Variants in RNF2 observed in about 807,000 individuals in gnomAD.
The protein encoded by RNF2 is E3 ubiquitin-protein ligase RING2.
In RNF2, 6 loss-of-function variants were observed where a neutral mutation model predicts 37.2. The observed-to-expected ratio is 0.16, with a 90% CI of 0.09 to 0.32. The LOEUF (loss-of-function observed/expected upper bound fraction) is 0.32. Ranked by LOEUF, RNF2 falls within the 10% of genes least tolerant of loss-of-function variation. RNF2 has a pLI of 1.00. For missense variants in RNF2, 251 were observed against 404.0 expected, an observed-to-expected ratio of 0.62 and a Z score of 3.25; for synonymous variants, 133 against 132.7, an observed-to-expected ratio of 1.00 and a Z score of -0.02.
intron 1 of RNF2, among the ~76,000 whole-genome samples, chr1:185,060,964 A>T (rs1167116210): frequency 6.6e-6 from 1 of 152,094 alleles, no homozygotes; most frequent in Non-Finnish European, 1.5e-5. Context: ...ATGAAAAGTT[A>T]AAAAAGTAGC....
chr1:185,064,179 A>G (rs570688879), intron 1 of RNF2, among the ~76,000 whole-genome samples: 4 of 152,348 alleles, frequency 2.6e-5, no homozygotes, highest in African/African-American at 9.6e-5. Flanking sequence ...TTCTAGCCCT[A>G]AATAAATTAG....
At chr1:185,052,019 ACC>A (rs1450078002) in intron 1 of RNF2, among the ~76,000 whole-genome samples, 1 of 151,516 alleles carries the variant, frequency 6.6e-6, no homozygotes, top group African/African-American at 2.4e-5. Flanking sequence ...ACATTCTATT[ACC>A]CAGGAAAGTT....
intron 1 of RNF2, chr1:185,046,217 C>T (rs1192539788): frequency 2.0e-5 from 3 of 152,188 alleles, no homozygotes; most frequent in African/African-American, 4.8e-5. Flanking sequence ...CGGGGTTCCT[C>T]GGGGAGACCC....
intron 2 of RNF2, among the ~76,000 whole-genome samples, chr1:185,090,805 C>T (rs1408503729): frequency 6.6e-6 from 1 of 152,118 alleles, no homozygotes; most frequent in African/African-American, 2.4e-5. Context: ...GGGTAGTGAA[C>T]CAAGTAGGAT....
chr1:185,064,789 G>T (rs943367528), intron 1 of RNF2, among the ~76,000 whole-genome samples: 1 of 151,952 alleles, frequency 6.6e-6, no homozygotes, highest in Non-Finnish European at 1.5e-5. Context: ...TGCAAGTCTT[G>T]TGCCTCCTTG....
At chr1:185,068,005 G>C (rs1417014166) in intron 1 of RNF2, among the ~76,000 whole-genome samples, 1 of 28,238 alleles carries the variant, frequency 3.5e-5, no homozygotes, top group African/African-American at 2.3e-4. Flanking sequence ...CACAGCGCCC[G>C]GCCTTTTTTT....
intron 1 of RNF2, among the ~76,000 whole-genome samples, chr1:185,054,515 C>T (rs967312664): frequency 3.9e-5 from 6 of 152,076 alleles, no homozygotes; most frequent in African/African-American, 1.4e-4. Flanking sequence ...CGGCCAGACG[C>T]CGGCTCTTCT....
chr1:185,061,107 T>G (rs1255107467), intron 1 of RNF2, among the ~76,000 whole-genome samples: 1 of 148,088 alleles, frequency 6.8e-6, no homozygotes, highest in East Asian at 2.0e-4. Flanking sequence ...GGTGCTGGAG[T>G]GAGACCCTAT....
chr1:185,057,206 C>T (rs1250451243), intron 1 of RNF2, among the ~76,000 whole-genome samples: 1 of 151,998 alleles, frequency 6.6e-6, no homozygotes, highest in Non-Finnish European at 1.5e-5. Flanking sequence ...AGTTACTAGG[C>T]AGGCTGATGT....
chr1:185,072,461 G>A (rs1482216668), intron 1 of RNF2, among the ~76,000 whole-genome samples: 1 of 151,994 alleles, frequency 6.6e-6, no homozygotes, highest in African/African-American at 2.4e-5. Flanking sequence ...AAAGTGCTAT[G>A]GTTAAGAAAA....
intron 2 of RNF2, among the ~76,000 whole-genome samples, chr1:185,088,535 G>A (rs1289377496): frequency 6.1e-5 from 9 of 146,392 alleles, no homozygotes; most frequent in Admixed American, 5.6e-4. Flanking sequence ...CAGCCTGGGC[G>A]ACAAGAACGA....
intron 4 of RNF2, among the ~76,000 whole-genome samples, chr1:185,096,929 A>G (rs1038880204): frequency 4.0e-5 from 6 of 151,846 alleles, no homozygotes; most frequent in Non-Finnish European, 7.4e-5. Flanking sequence ...CATAATGACA[A>G]TATTCTTACA....
intron 2 of RNF2, among the ~76,000 whole-genome samples, chr1:185,089,554 A>G (rs941671692): frequency 3.3e-5 from 5 of 152,236 alleles, no homozygotes; most frequent in African/African-American, 1.2e-4. Flanking sequence ...CATTCTCATC[A>G]TTGGTTCATG....
At chr1:185,095,939 A>G (rs1418361222) in intron 4 of RNF2, among the ~76,000 whole-genome samples, 2 of 152,168 alleles carry the variant, frequency 1.3e-5, no homozygotes, top group South Asian at 2.1e-4. Flanking sequence ...TCAGGACAGT[A>G]TGTAGTATTA....
rs1652072910 is a variant in RNF2 at position 185,101,378 on chromosome 1, A to G, written c.*1077A>G. Reference sequence around the variant, plus strand: ...CTCTGTAGAAGGTTAATAGAGCTTGAGCCCTGCTTTAATATGTAGTGAAAG... The same window carrying G: ...CTCTGTAGAAGGTTAATAGAGCTTGGGCCCTGCTTTAATATGTAGTGAAAG... On this transcript the variant is annotated 3_prime_UTR_variant, in exon 7 of 7. Transcript: ENST00000367510. 6.6e-6 allele frequency: 1 copy of G among 152,510 alleles called. No individual in the cohort carries two copies. The highest frequency in any genetic ancestry group is 1.5e-5 in the Non-Finnish European group (1 of 67,972). The allele number at this position is 152,510 out of a possible 1,614,324, so 9.4% of individuals were successfully genotyped here.
intron 1 of RNF2, among the ~76,000 whole-genome samples, chr1:185,048,656 T>C (rs766864421): frequency 3.6e-4 from 55 of 152,320 alleles, no homozygotes; most frequent in Non-Finnish European, 6.9e-4. Context: ...GATATGTTAC[T>C]TACGGGCTCT....
intron 4 of RNF2, among the ~76,000 whole-genome samples, 190 bp downstream of exon 4, chr1:185,093,466 T>C (rs1489366101): frequency 6.6e-6 from 1 of 152,244 alleles, no homozygotes; most frequent in East Asian, 1.9e-4. Context: ...ATCTCTGTTT[T>C]ACTTACTTTT....
intron 1 of RNF2, among the ~76,000 whole-genome samples, chr1:185,070,568 C>G (rs1169827521): frequency 6.6e-6 from 1 of 151,904 alleles, no homozygotes; most frequent in Admixed American, 6.6e-5. Flanking sequence ...TTAGTATTAT[C>G]CTCAGTTTTT....
intron 1 of RNF2, among the ~76,000 whole-genome samples, chr1:185,081,575 G>A (rs1651406672): frequency 8.2e-6 from 1 of 121,792 alleles, no homozygotes; most frequent in Non-Finnish European, 1.7e-5. Context: ...TGTATTTTTA[G>A]TAGAGACGGG....
Sources: allele counts gnomAD v4.1 joint callset (sites outside exome capture counted in the v4.1 genomes callset), GRCh38; gene constraint gnomAD v4.1.1; transcripts MANE v1.5; gene names NCBI Gene and HGNC (gene_info 2026-07-23, HGNC 2026-07-21).